The following STAU1 variants were observed in gnomAD, a reference collection of about 807,000 sequenced individuals.
STAU1 encodes the protein staufen double-stranded RNA binding protein 1, also known as double-stranded RNA-binding protein Staufen homolog 1.
Under a neutral mutation model 62.9 loss-of-function variants are expected in STAU1, and 13 were observed. That is an observed-to-expected ratio of 0.21 (90% CI 0.13 to 0.33). The LOEUF (loss-of-function observed/expected upper bound fraction) is 0.33, where lower values mean the gene tolerates loss of function less well. Ranked by LOEUF, STAU1 falls within the 10% of genes least tolerant of loss-of-function variation. STAU1 has a pLI of 1.00. For synonymous variants in STAU1, 269 were observed against 265.1 expected (o/e 1.01, Z -0.14); for missense variants, 571 against 712.1 (o/e 0.80, Z 2.25).
chr20:49,126,241 T>A (rs2092609493), intron 6 of STAU1, among the ~76,000 whole-genome samples: 1 of 151,702 alleles, frequency 6.6e-6, no homozygotes, highest in Non-Finnish European at 1.5e-5. Context: ...TCATGGACAT[T>A]ATCAAGAAAG....
At chr20:49,127,368 T>G (rs1156385022) in intron 6 of STAU1, among the ~76,000 whole-genome samples, 2 of 148,944 alleles carry the variant, frequency 1.3e-5, no homozygotes, top group Admixed American at 1.3e-4. Context: ...AATAAATAAA[T>G]GAATAAAATA....
intron 2 of STAU1, among the ~76,000 whole-genome samples, chr20:49,171,990 G>A (rs1258733444): frequency 6.6e-6 from 1 of 150,558 alleles, no homozygotes. Flanking sequence ...TTAGCCCTGA[G>A]GAGGCACACT....
chr20:49,182,116 C>T (rs1293571753), intron 1 of STAU1, among the ~76,000 whole-genome samples: 3 of 152,248 alleles, frequency 2.0e-5, no homozygotes, highest in Admixed American at 6.5e-5. Context: ...AGTAAATATA[C>T]TTTGAGGGAG....
intron 3 of STAU1, among the ~76,000 whole-genome samples, chr20:49,157,382 C>G (rs540877732): frequency 6.6e-6 from 1 of 151,892 alleles, no homozygotes; most frequent in African/African-American, 2.4e-5. Flanking sequence ...TCAAATGGCA[C>G]AATCATAGCT....
the STAU1 span, among the ~76,000 whole-genome samples, chr20:49,218,965 A>T: frequency 7.0e-6 from 1 of 142,358 alleles, no homozygotes; most frequent in Non-Finnish European, 1.5e-5. Flanking sequence ...GCAGTGATCC[A>T]TGATCTCCAC....
At chr20:49,134,434 G>GAA (rs3091730) in intron 6 of STAU1, 334 of 435,774 alleles carry the variant, frequency 7.7e-4, no homozygotes, top group East Asian at 3.6e-3. Flanking sequence ...TCATCTCAGG[G>GAA]AAAAAAAAAA....
At chr20:49,155,652 TATAAGA>T (rs1472746618) in intron 3 of STAU1, among the ~76,000 whole-genome samples, 1 of 152,242 alleles carries the variant, frequency 6.6e-6, no homozygotes, top group African/African-American at 2.4e-5. Flanking sequence ...GAATCAAATC[TATAAGA>T]ATATCTTTGG....
At chr20:49,144,134 C>T (rs1393105650) in intron 5 of STAU1, among the ~76,000 whole-genome samples, 1 of 152,174 alleles carries the variant, frequency 6.6e-6, no homozygotes, top group Non-Finnish European at 1.5e-5. Context: ...AGGATCAATC[C>T]AGTTATTTTT....
chr20:49,158,741 C>T (rs946506235), intron 3 of STAU1, among the ~76,000 whole-genome samples: 3 of 151,692 alleles, frequency 2.0e-5, no homozygotes, highest in African/African-American at 4.8e-5. Context: ...ACCCGGGAGG[C>T]AGAGGTTGCA....
intron 13 of STAU1, 24 bp from the exon 14 acceptor site, chr20:49,114,917 G>C (rs931054341): frequency 6.2e-7 from 1 of 1,611,370 alleles, no homozygotes; most frequent in Non-Finnish European, 8.5e-7. Flanking sequence ...AAATGAAAAT[G>C]ACACTAGTTT....
At chr20:49,202,064 C>CA in the STAU1 span, among the ~76,000 whole-genome samples, 1,103 of 149,318 alleles carry the variant, frequency 7.4e-3, 11 homozygotes, top group Non-Finnish European at 9.7e-3. Flanking sequence ...ACTAAAAATA[C>CA]AAAAAATTAG....
chr20:49,205,482 C>T, the STAU1 span, among the ~76,000 whole-genome samples: 2 of 151,474 alleles, frequency 1.3e-5, no homozygotes, highest in African/African-American at 2.4e-5. Flanking sequence ...TCTCCTGCCC[C>T]GTCCTCCTGA....
chr20:49,213,595 C>T, the STAU1 span, among the ~76,000 whole-genome samples: 3 of 152,158 alleles, frequency 2.0e-5, no homozygotes, highest in Non-Finnish European at 4.4e-5. Flanking sequence ...TTAAAACATG[C>T]TTACTTACCC....
At chr20:49,132,243 A>G (rs1307414033) in intron 6 of STAU1, among the ~76,000 whole-genome samples, 1 of 152,066 alleles carries the variant, frequency 6.6e-6, no homozygotes, top group Non-Finnish European at 1.5e-5. Context: ...CTCAGGTTAG[A>G]CTTTGGAGGG....
upstream of STAU1, among the ~76,000 whole-genome samples, chr20:49,188,825 C>A (rs1164463420): frequency 2.0e-5 from 3 of 152,148 alleles, no homozygotes. Context: ...GGTGAACTGA[C>A]AAAAATCCCT....
At chr20:49,140,663 C>T (rs955112936) in intron 5 of STAU1, among the ~76,000 whole-genome samples, 4 of 152,046 alleles carry the variant, frequency 2.6e-5, no homozygotes, top group Non-Finnish European at 4.4e-5. Flanking sequence ...GGGAGTAACT[C>T]TTCAATGAGT....
At chr20:49,199,955 C>A in the STAU1 span, among the ~76,000 whole-genome samples, 2 of 152,102 alleles carry the variant, frequency 1.3e-5, no homozygotes, top group Admixed American at 1.3e-4. Flanking sequence ...AGAGGTCCTC[C>A]CACCTTGGCC....
intron 1 of STAU1, among the ~76,000 whole-genome samples, chr20:49,184,742 C>G (rs1405071085): frequency 6.6e-6 from 1 of 152,106 alleles, no homozygotes; most frequent in Non-Finnish European, 1.5e-5. Context: ...TGTGTCCTTT[C>G]CCAGATACTA....
intron 6 of STAU1, among the ~76,000 whole-genome samples, chr20:49,135,183 T>C (rs955216850): frequency 3.9e-5 from 6 of 152,230 alleles, no homozygotes; most frequent in African/African-American, 1.2e-4. Flanking sequence ...AGAAAGTGGG[T>C]TATCAAGGGT....
Sources: gnomAD v4.1 joint callset for allele counts (sites outside exome capture counted in the v4.1 genomes callset) on GRCh38, gnomAD v4.1.1 for gene constraint, MANE v1.5 for transcripts, NCBI Gene and HGNC (gene_info 2026-07-23, HGNC 2026-07-21) for gene names.